DLGAP1: variants seen among roughly 807,000 people sequenced by gnomAD.
DLGAP1 encodes the protein DLG associated protein 1, also known as disks large-associated protein 1.
Under a neutral mutation model 90.8 loss-of-function variants are expected in DLGAP1, and 11 were observed. The observed-to-expected ratio is 0.12, with a 90% CI of 0.08 to 0.20. DLGAP1 has a LOEUF of 0.20. Among genes scored for constraint, DLGAP1 ranks in the 10% least tolerant of loss-of-function variants. DLGAP1 has a pLI of 1.00. For missense variants in DLGAP1, 1,050 were observed against 1,333.8 expected (o/e 0.79, Z 3.31); for synonymous variants, 558 against 540.7 (o/e 1.03, Z -0.44).
At chr18:3,696,851 T>C (rs1022793644) in intron 7 of DLGAP1, among the ~76,000 whole-genome samples, 1 of 152,238 alleles carries the variant, frequency 6.6e-6, no homozygotes. Context: ...TGGTAGGCTA[T>C]TAATTACTGC....
chr18:3,594,879 A>G (rs1469411780), intron 7 of DLGAP1, among the ~76,000 whole-genome samples: 1 of 152,122 alleles, frequency 6.6e-6, no homozygotes, highest in African/African-American at 2.4e-5. Flanking sequence ...GAATGCAGAC[A>G]CCTTTCTCTC....
chr18:3,779,898 T>C (rs926000650), intron 5 of DLGAP1, among the ~76,000 whole-genome samples: 34 of 151,954 alleles, frequency 2.2e-4, no homozygotes, highest in African/African-American at 7.7e-4. Context: ...CAAGCGATTC[T>C]CCTGCCTCAG....
intron 5 of DLGAP1, among the ~76,000 whole-genome samples, chr18:3,770,342 A>G (rs2148001224): frequency 6.6e-6 from 1 of 152,196 alleles, no homozygotes; most frequent in South Asian, 2.1e-4. Flanking sequence ...GTCTCTAGAA[A>G]TTTGGGTACT....
intron 1 of DLGAP1, among the ~76,000 whole-genome samples, chr18:4,452,096 G>A (rs1375447074): frequency 1.3e-5 from 2 of 152,074 alleles, no homozygotes; most frequent in Non-Finnish European, 2.9e-5. Flanking sequence ...CTATAGAGAT[G>A]AAATCTACAT....
intron 1 of DLGAP1, among the ~76,000 whole-genome samples, chr18:4,256,614 T>A (rs2078892549): frequency 6.6e-6 from 1 of 152,150 alleles, no homozygotes; most frequent in Non-Finnish European, 1.5e-5. Context: ...AAATCATACA[T>A]ACGTGCTGAA....
At chr18:4,428,352 G>A (rs372550229) in intron 1 of DLGAP1, among the ~76,000 whole-genome samples, 7 of 152,086 alleles carry the variant, frequency 4.6e-5, no homozygotes, top group East Asian at 1.9e-4. Context: ...AGGCCAAGGC[G>A]GACGGATCAC....
intron 1 of DLGAP1, among the ~76,000 whole-genome samples, chr18:4,361,187 AACAT>A (rs2081623292): frequency 6.6e-6 from 1 of 152,072 alleles, no homozygotes; most frequent in African/African-American, 2.4e-5. Flanking sequence ...TCTATGAAAT[AACAT>A]AATATATTTT....
At position 3,653,888 on chromosome 18, in the gene DLGAP1, G is replaced by C. The variant is rs1454445554; in HGVS notation, c.1592-71640C>G. On this transcript the variant is annotated intron_variant, in intron 7 of 12. Transcript: ENST00000315677. This position sits in a 1 kb window ranked among gnomAD's most constrained non-coding sequence, Gnocchi z 4.6. ...TCTGCAGATGGAAAGTTGCAAGTAC[G>C]GTAATTAGCTAAGCAGTGGCAAGGC... 6.6e-6 allele frequency: 1 copy of C among 152,168 alleles called. No individual in the cohort carries two copies. The highest frequency in any genetic ancestry group is 1.5e-5 in the Non-Finnish European group (1 of 68,026). 9.4% of individuals were successfully genotyped at this position (152,168 alleles called of 1,614,324 possible). A position where few individuals can be genotyped will look rare whatever the true frequency, so the allele number is the denominator to read the frequency against.
At chr18:4,227,239 C>A (rs750639598) in intron 1 of DLGAP1, among the ~76,000 whole-genome samples, 1 of 151,664 alleles carries the variant, frequency 6.6e-6, no homozygotes, top group Admixed American at 6.6e-5. Context: ...AGAGGTAGAC[C>A]CCTATACATT....
chr18:4,305,679 A>G (rs1023317282), intron 1 of DLGAP1, among the ~76,000 whole-genome samples: 1 of 152,122 alleles, frequency 6.6e-6, no homozygotes, highest in African/African-American at 2.4e-5. Flanking sequence ...ACCTTTACAA[A>G]TGATAAAGTC....
At chr18:3,930,248 A>G (rs1481899712) in intron 3 of DLGAP1, among the ~76,000 whole-genome samples, 5 of 152,280 alleles carry the variant, frequency 3.3e-5, no homozygotes, top group Middle Eastern at 3.4e-3. Context: ...GACTTATATG[A>G]AACTCAGTTT....
chr18:4,125,337 G>A (rs928319560), intron 2 of DLGAP1, among the ~76,000 whole-genome samples: 5 of 152,222 alleles, frequency 3.3e-5, no homozygotes, highest in Non-Finnish European at 7.3e-5. Flanking sequence ...TACAGGAGGA[G>A]GCCAGAGAAG....
chr18:4,128,541 T>G (rs1160396297), intron 2 of DLGAP1, among the ~76,000 whole-genome samples: 2 of 152,124 alleles, frequency 1.3e-5, no homozygotes, highest in African/African-American at 4.8e-5. Context: ...GCTTTACAAT[T>G]TCCTATGGGA....
At chr18:3,645,571 C>T (rs2059090424) in intron 7 of DLGAP1, among the ~76,000 whole-genome samples, 1 of 152,154 alleles carries the variant, frequency 6.6e-6, no homozygotes, top group African/African-American at 2.4e-5. Context: ...AATGAGCCCT[C>T]CCCTTCCTGT....
At chr18:3,984,900 C>A (rs1368433949) in intron 3 of DLGAP1, among the ~76,000 whole-genome samples, 1 of 152,140 alleles carries the variant, frequency 6.6e-6, no homozygotes, top group African/African-American at 2.4e-5. Flanking sequence ...TCACCATTGT[C>A]CCCTGCCTGT....
intron 1 of DLGAP1, among the ~76,000 whole-genome samples, chr18:4,235,646 T>C (rs925647014): frequency 7.9e-5 from 12 of 151,994 alleles, no homozygotes; most frequent in African/African-American, 2.9e-4. Context: ...TTCAGTGTTT[T>C]GAGAAATAAA....
intron 2 of DLGAP1, among the ~76,000 whole-genome samples, chr18:4,055,799 T>A (rs2075205746): frequency 6.6e-6 from 1 of 152,068 alleles, no homozygotes; most frequent in African/African-American, 2.4e-5. Flanking sequence ...ATCAGAGGTG[T>A]GAGTTAAGTG....
chr18:4,334,129 G>A (rs915344386), intron 1 of DLGAP1, among the ~76,000 whole-genome samples: 1 of 151,522 alleles, frequency 6.6e-6, no homozygotes, highest in Non-Finnish European at 1.5e-5. Flanking sequence ...TCCCAGGTAC[G>A]TGGGAAGCTG....
chr18:3,574,779 T>TTTTTA (rs71366687), intron 8 of DLGAP1, among the ~76,000 whole-genome samples: 40,691 of 140,324 alleles, frequency 0.29, 6,992 homozygotes, highest in Non-Finnish European at 0.39. Flanking sequence ...ATAATGTGCC[T>TTTTTA]TTTTATTTTA....
Sources: allele counts gnomAD v4.1 joint callset (sites outside exome capture counted in the v4.1 genomes callset), GRCh38; gene constraint gnomAD v4.1.1; non-coding constraint Gnocchi (gnomAD v3.1); transcripts MANE v1.5; gene names NCBI Gene and HGNC (gene_info 2026-07-23, HGNC 2026-07-21).